The following MIR2052HG variants were observed in gnomAD, a reference collection of about 807,000 sequenced individuals.
The protein encoded by MIR2052HG is MIR2052 host gene.
chr8:74,619,442 A>G (rs1808330906), intron 2 of MIR2052HG, among the ~76,000 whole-genome samples: 2 of 152,194 alleles, frequency 1.3e-5, no homozygotes, highest in African/African-American at 4.8e-5. Flanking sequence ...ATATTTGTCT[A>G]TTCACACACT....
intron 1 of MIR2052HG, among the ~76,000 whole-genome samples, chr8:74,611,151 G>A (rs1459627351): frequency 1.3e-5 from 2 of 151,842 alleles, no homozygotes; most frequent in Non-Finnish European, 2.9e-5. Flanking sequence ...ATGTAATATT[G>A]GCAAAATATT....
chr8:74,719,056 A>G (rs1809548088), intron 4 of MIR2052HG, among the ~76,000 whole-genome samples: 2 of 148,906 alleles, frequency 1.3e-5, no homozygotes, highest in Admixed American at 6.8e-5. Flanking sequence ...CCTATGAGTC[A>G]GACAAATATC....
intron 1 of MIR2052HG, among the ~76,000 whole-genome samples, chr8:74,606,396 G>T: frequency 6.6e-6 from 1 of 152,016 alleles, no homozygotes; most frequent in East Asian, 1.9e-4. Flanking sequence ...TAAAGGGAGA[G>T]TCTAAAAACA....
intron 2 of MIR2052HG, among the ~76,000 whole-genome samples, chr8:74,650,788 A>G (rs1808743581): frequency 6.6e-6 from 1 of 152,204 alleles, no homozygotes; most frequent in Non-Finnish European, 1.5e-5. Flanking sequence ...ATATTTCTCT[A>G]CTAAAAGACA....
chr8:74,682,460 T>G (rs1809135966), intron 2 of MIR2052HG, among the ~76,000 whole-genome samples: 1 of 151,934 alleles, frequency 6.6e-6, no homozygotes, highest in Non-Finnish European at 1.5e-5. Flanking sequence ...AACAAAATAC[T>G]AATAATAAAA....
chr8:74,666,584 T>C (rs1808926313), intron 2 of MIR2052HG, among the ~76,000 whole-genome samples: 1 of 152,218 alleles, frequency 6.6e-6, no homozygotes, highest in South Asian at 2.1e-4. Flanking sequence ...CATGATGACC[T>C]CAATGTATAT....
chr8:74,609,494 G>A (rs1463088406), intron 1 of MIR2052HG, among the ~76,000 whole-genome samples: 4 of 151,638 alleles, frequency 2.6e-5, no homozygotes, highest in Admixed American at 6.6e-5. Flanking sequence ...TATTGCAAAG[G>A]AAGAAAATTG....
chr8:74,736,848 G>T (rs1809748898), intron 4 of MIR2052HG, among the ~76,000 whole-genome samples: 1 of 152,110 alleles, frequency 6.6e-6, no homozygotes, highest in African/African-American at 2.4e-5. Flanking sequence ...GGCTGCATAG[G>T]GCCCTCCGGG....
At chr8:74,696,451 A>G (rs777235405) in intron 2 of MIR2052HG, among the ~76,000 whole-genome samples, 2 of 152,172 alleles carry the variant, frequency 1.3e-5, no homozygotes, top group Admixed American at 1.3e-4. Context: ...CAAACCCAGC[A>G]GAAGAAAAGA....
At chr8:74,675,431 C>A (rs564852250) in intron 2 of MIR2052HG, among the ~76,000 whole-genome samples, 61 of 151,960 alleles carry the variant, frequency 4.0e-4, no homozygotes, top group Admixed American at 7.2e-4. Flanking sequence ...TAAAGTATTC[C>A]AGAAGGTATG....
Position 74,645,902 on chromosome 8 carries a change from T to A in MIR2052HG, n.216+32962T>A, listed in dbSNP as rs566004660. On this transcript the variant is annotated intron_variant and non_coding_transcript_variant, in intron 2 of 6. Transcript: ENST00000523442. ...ATGATTTTTACAACCTAAGCCTATG[T>A]TTTTTGTGGAGTAGGTCCTGGTTTT... 3.9e-5 allele frequency among the ~76,000 whole-genome samples: 6 copies of A among 152,286 alleles called. No individual in the cohort carries two copies. The East Asian group carries it at 5.8e-4, about 15-fold the overall frequency.
At chr8:74,603,738 G>A (rs546241691) in intron 1 of MIR2052HG, 51 of 867,092 alleles carry the variant, frequency 5.9e-5, no homozygotes, top group Non-Finnish European at 9.9e-5. Context: ...CCTTCGGGGG[G>A]GACTCCAACA....
chr8:74,618,828 C>G (rs1422251966), intron 2 of MIR2052HG, among the ~76,000 whole-genome samples: 1 of 152,130 alleles, frequency 6.6e-6, no homozygotes, highest in African/African-American at 2.4e-5. Flanking sequence ...AACATGCACT[C>G]TAACTGGAAA....
intron 2 of MIR2052HG, among the ~76,000 whole-genome samples, chr8:74,667,434 C>G (rs765813790): frequency 1.3e-5 from 2 of 152,092 alleles, no homozygotes; most frequent in African/African-American, 4.8e-5. Flanking sequence ...TAGAAGTTCT[C>G]TTTATTATTT....
chr8:74,629,223 G>A (rs1011133645), intron 2 of MIR2052HG, among the ~76,000 whole-genome samples: 5 of 152,080 alleles, frequency 3.3e-5, no homozygotes, highest in African/African-American at 4.8e-5. Flanking sequence ...GTTAGGCCAC[G>A]GTAAACTGTT....
chr8:74,659,142 T>A (rs1586905920), intron 2 of MIR2052HG, among the ~76,000 whole-genome samples: 1 of 152,222 alleles, frequency 6.6e-6, no homozygotes, highest in East Asian at 1.9e-4. Flanking sequence ...TGTTTTGTTG[T>A]ACAAGCTCAC....
intron 4 of MIR2052HG, among the ~76,000 whole-genome samples, chr8:74,708,735 G>T (rs1021684503): frequency 1.3e-5 from 2 of 149,912 alleles, no homozygotes; most frequent in Admixed American, 1.3e-4. Flanking sequence ...TTCTGAAAAT[G>T]TAAAATAAAA....
chr8:74,645,679 A>C (rs1027686319), intron 2 of MIR2052HG, among the ~76,000 whole-genome samples: 17 of 152,246 alleles, frequency 1.1e-4, no homozygotes, highest in African/African-American at 3.6e-4. Context: ...TGAAACTTAA[A>C]GCCCAAACGG....
intron 2 of MIR2052HG, among the ~76,000 whole-genome samples, chr8:74,692,759 CAGTTCTGTCT>C: frequency 1.3e-5 from 2 of 152,300 alleles, no homozygotes; most frequent in Middle Eastern, 6.8e-3. Flanking sequence ...TTCAGGTTAA[CAGTTCTGTCT>C]TAGTAAAACT....
Sources: allele counts gnomAD v4.1 joint callset (sites outside exome capture counted in the v4.1 genomes callset), GRCh38; gene constraint gnomAD v4.1.1; transcripts MANE v1.5; gene names NCBI Gene and HGNC (gene_info 2026-07-23, HGNC 2026-07-21).